SNX2: variants seen among roughly 807,000 people sequenced by gnomAD.
SNX2 encodes sorting nexin-2.
In SNX2, 25 loss-of-function variants were observed where a neutral mutation model predicts 69.9. The observed-to-expected ratio is 0.36, with a 90% CI of 0.26 to 0.50. The LOEUF is 0.50. Ranked by LOEUF, SNX2 falls within the 20% of genes least tolerant of loss-of-function variation. The pLI is 0.97. For missense variants in SNX2, 551 were observed against 613.3 expected, an observed-to-expected ratio of 0.90 and a Z score of 1.07; for synonymous variants, 229 against 200.4, an observed-to-expected ratio of 1.14 and a Z score of -1.20.
At chr5:122,820,512 G>A (rs1350681647) in intron 11 of SNX2, among the ~76,000 whole-genome samples, 1 of 151,942 alleles carries the variant, frequency 6.6e-6, no homozygotes, top group African/African-American at 2.4e-5. Context: ...CTCCAGCCTG[G>A]CGACAGAGAC....
At position 122,830,694 on chromosome 5, in the gene SNX2, C is replaced by G. The variant is rs1327216287; in HGVS notation, c.*1046C>G. Among the ~76,000 whole-genome samples the G allele has an allele frequency of 1.3e-5, 2 of 152,116 alleles. No homozygotes were observed. Among genetic ancestry groups the G allele is most frequent in the African/African-American group, 4.8e-5 (2 of 41,422 alleles). On this transcript the variant is annotated 3_prime_UTR_variant, in exon 15 of 15. Transcript: ENST00000379516. ...TGTATGCTACTTAGACAGCTGTTAT[C>G]TAATCCTTAATGCTGATGAAAATTT...
rs569799615 is a variant in SNX2, at chr5:122,832,407, G to A, written c.*2759G>A. ...TATTAAGTAAAACAAGACAAAATGT[G>A]TGTAAAAATATGCCTAACACATAGA... On this transcript the variant is annotated 3_prime_UTR_variant, in exon 15 of 15. Transcript: ENST00000379516. The A allele has an allele frequency of 2.1e-4, 32 of 152,268 alleles. No individual in the cohort carries two copies. Among genetic ancestry groups the A allele is most frequent in the African/African-American group, 7.7e-4 (32 of 41,554 alleles). The allele number at this position is 152,268 out of a possible 1,614,324, so 9.4% of individuals were successfully genotyped here.
At chr5:122,788,522 T>C (rs1401498002) in intron 1 of SNX2, among the ~76,000 whole-genome samples, 1 of 152,216 alleles carries the variant, frequency 6.6e-6, no homozygotes, top group East Asian at 1.9e-4. Flanking sequence ...CCATAGGTCC[T>C]TGAGGCTTTG....
intron 1 of SNX2, among the ~76,000 whole-genome samples, chr5:122,783,537 A>G (rs978103120): frequency 3.3e-5 from 5 of 152,058 alleles, no homozygotes; most frequent in Admixed American, 2.6e-4. Flanking sequence ...TTCCAGCACC[A>G]TTTGTTGAAA....
intron 1 of SNX2, among the ~76,000 whole-genome samples, chr5:122,783,593 C>T (rs1404523507): frequency 6.6e-6 from 1 of 152,054 alleles, no homozygotes; most frequent in South Asian, 2.1e-4. Context: ...AATGAACTGA[C>T]CATATATATG....
At chr5:122,823,720 GTGT>G (rs1754080296) in intron 11 of SNX2, among the ~76,000 whole-genome samples, 6 of 21,548 alleles carry the variant, frequency 2.8e-4, no homozygotes, top group South Asian at 1.9e-3. Flanking sequence ...GTATGTGGGT[GTGT>G]GTGTGTGTGT....
At position 122,810,398 on chromosome 5, in the gene SNX2, T is replaced by TAAAA. The variant is rs1561464624; in HGVS notation, c.722+2043_722+2044insAAAA. Among the ~76,000 whole-genome samples the TAAAA allele has an allele frequency of 1.3e-3, 77 of 58,284 alleles. 1 individual carries two copies. Among genetic ancestry groups the TAAAA allele is most frequent in the African/African-American group, 2.3e-3 (25 of 10,846 alleles). The allele number at this position is 58,284 out of a possible 152,430, so 38.2% of individuals were successfully genotyped here. A position where few individuals can be genotyped will look rare whatever the true frequency, so the allele number is the denominator to read the frequency against. Reference sequence around the variant, plus strand: ...GCGAGAAACACCCAAGAATGATCAATTAAAAAAAAAAAAAAAAAAAAAAGA... The same window carrying TAAAA: ...GCGAGAAACACCCAAGAATGATCAATAAAATAAAAAAAAAAAAAAAAAAAAAAGA... On this transcript the variant is annotated intron_variant, in intron 7 of 14. Transcript: ENST00000379516.
chr5:122,806,142 G>GTGCGCACGCACACACACACACACACACA (rs1554063163), intron 6 of SNX2, among the ~76,000 whole-genome samples: 1 of 130,584 alleles, frequency 7.7e-6, no homozygotes, highest in Non-Finnish European at 1.6e-5. Context: ...ACACGCGCGC[G>GTGCGCACGCACACACACACACACACACA]CACACACACA....
chr5:122,831,611 A>G lies in SNX2; in HGVS notation c.*1963A>G, dbSNP rs565875070. 2.0e-5 allele frequency among the ~76,000 whole-genome samples: 3 copies of G among 152,342 alleles called. No individual in the cohort carries two copies. The highest frequency in any genetic ancestry group is 3.9e-4 in the East Asian group (2 of 5,194). The stretch of plus-strand genomic sequence containing the variant: ...TTCTGGGAATACTTTTCAGAAACGA[A>G]TAATTCATAGTAATATATATCAGAT... On this transcript the variant is annotated 3_prime_UTR_variant, in exon 15 of 15. Coordinates refer to ENST00000379516, the MANE Select transcript of SNX2 (RefSeq NM_003100.4).
At position 122,793,774 on chromosome 5, in the gene SNX2, G is replaced by C. The variant is rs77045867; in HGVS notation, c.109-1492G>C. 3.3e-5 allele frequency among the ~76,000 whole-genome samples: 5 copies of C among 151,460 alleles called. No homozygotes were observed. In the South Asian group the frequency reaches 8.3e-4, roughly 25 times the overall value. On this transcript the variant is annotated intron_variant, in intron 1 of 14. Coordinates refer to ENST00000379516, the MANE Select transcript of SNX2 (RefSeq NM_003100.4). ...AAATACAAAAAAAAATTAGCTGGGC[G>C]TGATGGCAGACACCTGTAATCCCAG... is the stretch of plus-strand genomic sequence containing the variant.
At chr5:122,804,658 C>A (rs1283160000) in intron 6 of SNX2, among the ~76,000 whole-genome samples, 1 of 152,040 alleles carries the variant, frequency 6.6e-6, no homozygotes, top group Non-Finnish European at 1.5e-5. Flanking sequence ...AGCCACTGTG[C>A]CCGGCCACAT....
At position 122,828,850 on chromosome 5, in the gene SNX2, G is replaced by A. The variant is rs138626177; in HGVS notation, c.1510-748G>A. 6.8e-4 allele frequency among the ~76,000 whole-genome samples: 103 copies of A among 152,282 alleles called. 1 individual carries two copies. The East Asian group carries it at 0.016, about 24-fold the overall frequency. On this transcript the variant is annotated intron_variant, in intron 14 of 14. Coordinates refer to ENST00000379516, the MANE Select transcript of SNX2 (RefSeq NM_003100.4). Reference sequence around the variant, plus strand: ...GAACCAGACATTGGCCGGGCGCAGCGGCTCATGCCTGTAATCTCAGCACAT... The same window carrying A: ...GAACCAGACATTGGCCGGGCGCAGCAGCTCATGCCTGTAATCTCAGCACAT...
intron 2 of SNX2, among the ~76,000 whole-genome samples, chr5:122,798,162 C>CTT (rs76010869): frequency 4.6e-5 from 7 of 150,846 alleles, no homozygotes; most frequent in East Asian, 1.9e-4. Flanking sequence ...TGATATACTG[C>CTT]TTTTTTTTTA....
At chr5:122,791,720 A>C (rs1753244863) in intron 1 of SNX2, among the ~76,000 whole-genome samples, 1 of 152,216 alleles carries the variant, frequency 6.6e-6, no homozygotes, top group South Asian at 2.1e-4. Flanking sequence ...CCTGGCCCTC[A>C]ATTTTTATAG....
chr5:122,789,390 C>A (rs1581626465), intron 1 of SNX2, among the ~76,000 whole-genome samples: 2 of 151,688 alleles, frequency 1.3e-5, no homozygotes, highest in East Asian at 1.9e-4. Context: ...GGGATTTTCC[C>A]CACATTCTTC....
intron 7 of SNX2, among the ~76,000 whole-genome samples, chr5:122,811,519 A>C (rs1245273013): frequency 6.6e-6 from 1 of 152,162 alleles, no homozygotes; most frequent in African/African-American, 2.4e-5. Flanking sequence ...TAAATTACTT[A>C]CATGCATTTG....
intron 14 of SNX2, 81 bp downstream of exon 14, chr5:122,827,727 A>G: frequency 1.1e-6 from 1 of 945,642 alleles, no homozygotes; most frequent in African/African-American, 1.7e-5. Context: ...TGATTAATGA[A>G]CTGGGCATTT....
In SNX2 at chr5:122,832,342, A is replaced by G. The variant is rs1304414321; in HGVS notation, c.*2694A>G. ...ATTTTGTTTAAAATATCAAACTTCA[A>G]TATAAATATGTTGGAAAACAATTCT... On this transcript the variant is annotated 3_prime_UTR_variant, in exon 15 of 15. Transcript: ENST00000379516. 1 of 152,110 alleles carries G rather than the reference A, an allele frequency of 6.6e-6. No individual in the cohort carries two copies. The highest frequency in any genetic ancestry group is 2.4e-5 in the African/African-American group (1 of 41,412). 9.4% of individuals were successfully genotyped at this position (152,110 alleles called of 1,614,324 possible). A position where few individuals can be genotyped will look rare whatever the true frequency, so the allele number is the denominator to read the frequency against.
chr5:122,777,658 G>T (rs1279125710), intron 1 of SNX2, among the ~76,000 whole-genome samples: 1 of 152,124 alleles, frequency 6.6e-6, no homozygotes, highest in Non-Finnish European at 1.5e-5. Context: ...TAATGCCTAT[G>T]CATTACTATA....
Sources: gnomAD v4.1 joint callset for allele counts (sites outside exome capture counted in the v4.1 genomes callset) on GRCh38, gnomAD v4.1.1 for gene constraint, MANE v1.5 for transcripts, NCBI Gene and HGNC (gene_info 2026-07-23, HGNC 2026-07-21) for gene names.